The following ROBO2 variants were observed in gnomAD, a reference collection of about 807,000 sequenced individuals.
The protein encoded by ROBO2 is roundabout homolog 2.
In ROBO2, 53 loss-of-function variants were observed where a neutral mutation model predicts 160.8. The ratio of observed to expected loss-of-function variants is 0.33; its 90% CI spans 0.26 to 0.41. The LOEUF (loss-of-function observed/expected upper bound fraction) is 0.41, where lower values mean the gene tolerates loss of function less well. Among genes scored for constraint, ROBO2 ranks in the 10% least tolerant of loss-of-function variants. The probability of loss-of-function intolerance (pLI) is 1.00; values close to 1 mark genes in which losing one functional copy is unlikely to be tolerated. For synonymous variants in ROBO2, 664 were observed against 611.7 expected, an observed-to-expected ratio of 1.09 and a Z score of -1.26; for missense variants, 1,577 against 1,722.4, an observed-to-expected ratio of 0.92 and a Z score of 1.49.
chr3:76,800,502 A>T (rs141540018), intron 2 of ROBO2, among the ~76,000 whole-genome samples: 2 of 152,234 alleles, frequency 1.3e-5, no homozygotes, highest in Non-Finnish European at 1.5e-5. Flanking sequence ...AGAATATATA[A>T]GGAGCTCAAA....
chr3:76,680,285 G>A (rs1048415039), intron 2 of ROBO2, among the ~76,000 whole-genome samples: 1 of 149,158 alleles, frequency 6.7e-6, no homozygotes, highest in Non-Finnish European at 1.5e-5. Flanking sequence ...GAATATTTTA[G>A]AACATTTTTT....
chr3:76,072,713 T>C (rs1489090), intron 2 of ROBO2, among the ~76,000 whole-genome samples: 95,476 of 151,970 alleles, frequency 0.63, 30,645 homozygotes, highest in Middle Eastern at 0.76. Flanking sequence ...TTTATTAAGA[T>C]CCTCACAGAT....
At chr3:77,549,197 C>T (rs887389318) in intron 7 of ROBO2, among the ~76,000 whole-genome samples, 10 of 151,832 alleles carry the variant, frequency 6.6e-5, no homozygotes, top group African/African-American at 2.4e-4. Flanking sequence ...TCCATGTCAA[C>T]GAATCATTTA....
At chr3:77,497,111 G>T (rs1315944106) in intron 5 of ROBO2, among the ~76,000 whole-genome samples, 1 of 152,036 alleles carries the variant, frequency 6.6e-6, no homozygotes, top group Non-Finnish European at 1.5e-5. Flanking sequence ...GGGACAAAAT[G>T]GAAAGGAGTC....
chr3:77,610,690 T>C (rs1263434442), intron 21 of ROBO2, among the ~76,000 whole-genome samples: 4 of 135,780 alleles, frequency 2.9e-5, no homozygotes. Context: ...AAAATTTTAC[T>C]ATTGTTGTGA....
At chr3:77,441,594 T>G (rs566399005) in intron 2 of ROBO2, among the ~76,000 whole-genome samples, 1 of 152,240 alleles carries the variant, frequency 6.6e-6, no homozygotes, top group East Asian at 1.9e-4. Context: ...AAATGAGCTG[T>G]ACTGCATAAG....
chr3:76,811,300 A>G (rs1248984364), intron 2 of ROBO2, among the ~76,000 whole-genome samples: 1 of 152,168 alleles, frequency 6.6e-6, no homozygotes, highest in South Asian at 2.1e-4. Context: ...AAGTGAAAAC[A>G]CAGAATAGTC....
intron 2 of ROBO2, among the ~76,000 whole-genome samples, chr3:76,958,922 A>T (rs2079465540): frequency 6.6e-6 from 1 of 152,212 alleles, no homozygotes; most frequent in African/African-American, 2.4e-5. Context: ...CTCTTTCTTT[A>T]ATACAAATTT....
At chr3:77,449,736 A>C (rs1236165404) in intron 2 of ROBO2, among the ~76,000 whole-genome samples, 1 of 152,104 alleles carries the variant, frequency 6.6e-6, no homozygotes, top group African/African-American at 2.4e-5. Flanking sequence ...CTTAGCTAGC[A>C]AAATCTGAGT....
chr3:76,472,544 G>A (rs2078721325), intron 2 of ROBO2, among the ~76,000 whole-genome samples: 1 of 152,076 alleles, frequency 6.6e-6, no homozygotes, highest in Non-Finnish European at 1.5e-5. Flanking sequence ...ATTTTAAAAA[G>A]TGCTCTTAGG....
intron 2 of ROBO2, among the ~76,000 whole-genome samples, chr3:76,314,111 A>T (rs577302558): frequency 3.3e-5 from 5 of 152,202 alleles, no homozygotes; most frequent in African/African-American, 4.8e-5. Context: ...TAGGCCAGCA[A>T]GTTTTCCCTC....
chr3:76,813,085 A>G (rs1471454355), intron 2 of ROBO2, among the ~76,000 whole-genome samples: 2 of 152,036 alleles, frequency 1.3e-5, no homozygotes, highest in Non-Finnish European at 2.9e-5. Flanking sequence ...AATTTCTATC[A>G]GGAAATTCGA....
chr3:76,215,217 C>G (rs544975133), intron 2 of ROBO2, among the ~76,000 whole-genome samples: 1 of 152,248 alleles, frequency 6.6e-6, no homozygotes, highest in East Asian at 1.9e-4. Context: ...GGGGAAAAAA[C>G]AGAGCAGAAA....
intron 24 of ROBO2, among the ~76,000 whole-genome samples, chr3:77,644,207 AT>A (rs2095388248): frequency 6.6e-6 from 1 of 152,078 alleles, no homozygotes; most frequent in South Asian, 2.1e-4. Context: ...TAAATAATGT[AT>A]TTCTGTCTCA....
chr3:77,621,643 G>T (rs1188224306), intron 22 of ROBO2, among the ~76,000 whole-genome samples: 4 of 152,072 alleles, frequency 2.6e-5, no homozygotes, highest in Non-Finnish European at 5.9e-5. Context: ...AGCTACTAGA[G>T]CACAAATTAG....
chr3:77,260,887 G>T (rs1364258669), intron 2 of ROBO2, among the ~76,000 whole-genome samples: 1 of 152,098 alleles, frequency 6.6e-6, no homozygotes, highest in Admixed American at 6.6e-5. Context: ...TGGCTTTGTG[G>T]GTGGAGGCTG....
chr3:77,601,991 A>T (rs548852986), intron 19 of ROBO2, among the ~76,000 whole-genome samples: 9 of 152,340 alleles, frequency 5.9e-5, no homozygotes, highest in Non-Finnish European at 1.3e-4. Flanking sequence ...AGGGTGTTTT[A>T]AGCAGTGAGA....
At chr3:77,453,101 A>G (rs948296017) in intron 2 of ROBO2, among the ~76,000 whole-genome samples, 2 of 152,158 alleles carry the variant, frequency 1.3e-5, no homozygotes, top group Admixed American at 6.6e-5. Context: ...TAAAAATCTT[A>G]CCAACATCTT....
intron 2 of ROBO2, among the ~76,000 whole-genome samples, chr3:77,325,052 A>G (rs1394764945): frequency 1.3e-5 from 2 of 152,162 alleles, no homozygotes; most frequent in African/African-American, 2.4e-5. Context: ...GGGGGCAGAC[A>G]TAGGTAATTT....
Sources: allele counts gnomAD v4.1 joint callset (sites outside exome capture counted in the v4.1 genomes callset), GRCh38; gene constraint gnomAD v4.1.1; transcripts MANE v1.5; gene names NCBI Gene and HGNC (gene_info 2026-07-23, HGNC 2026-07-21).